PPFIA3: variants seen among roughly 807,000 people sequenced by gnomAD.
PPFIA3 encodes PPFI scaffold protein A3, also known as liprin-alpha-3.
Under a neutral mutation model 145.8 loss-of-function variants are expected in PPFIA3, and 26 were observed. The observed-to-expected ratio is 0.18, with a 90% CI of 0.13 to 0.25. The LOEUF (loss-of-function observed/expected upper bound fraction) is 0.25, where lower values mean the gene tolerates loss of function less well. Ranked by LOEUF, PPFIA3 falls within the 10% of genes least tolerant of loss-of-function variation. The probability of loss-of-function intolerance (pLI) is 1.00; values close to 1 mark genes in which losing one functional copy is unlikely to be tolerated. For synonymous variants in PPFIA3, 645 were observed against 661.4 expected (o/e 0.98, Z 0.38); for missense variants, 1,008 against 1,587.8 (o/e 0.63, Z 6.21).
chr19:49,139,438 G>A (rs901531439), intron 16 of PPFIA3, among the ~76,000 whole-genome samples: 1 of 148,864 alleles, frequency 6.7e-6, no homozygotes, highest in East Asian at 2.0e-4. Context: ...GCAGTGAGCC[G>A]AGATTGTGCC....
chr19:49,150,429 G>T lies in PPFIA3; in HGVS notation c.*207G>T, dbSNP rs543724451. Reference sequence around the variant, plus strand: ...GACCAAACCACATGAACTGGACTGAGAGGGGGAAGAAGCGGGGAGGAAGAA... The same window carrying T: ...GACCAAACCACATGAACTGGACTGATAGGGGGAAGAAGCGGGGAGGAAGAA... On this transcript the variant is annotated 3_prime_UTR_variant, in exon 30 of 30. Coordinates refer to ENST00000334186, the MANE Select transcript of PPFIA3 (RefSeq NM_003660.4). 3.6e-5 allele frequency: 12 copies of T among 332,900 alleles called. No individual in the cohort carries two copies. The South Asian group carries it at 1.2e-3, about 32-fold the overall frequency. 20.6% of individuals were successfully genotyped at this position (332,900 alleles called of 1,614,324 possible). A position where few individuals can be genotyped will look rare whatever the true frequency, so the allele number is the denominator to read the frequency against.
intron 7 of PPFIA3, 97 bp from the exon 8 acceptor site, chr19:49,132,904 C>T: frequency 1.3e-6 from 2 of 1,493,752 alleles, no homozygotes; most frequent in Non-Finnish European, 1.8e-6. Context: ...CATTCTGACT[C>T]CCATGTCAGG....
chr19:49,140,108 C>CCTTCCCT lies in PPFIA3; in HGVS notation c.2368+22_2368+28dup, dbSNP rs766794296. On this transcript the variant is annotated intron_variant, in intron 18 of 29. Transcript: ENST00000334186. ...CTCTGGGTGAGTACCTCACTCTAAC[C>CCTTCCCT]CTTCCCTCCTTTGTTCCTTCCTCCC... 22 of 1,612,586 alleles carry CCTTCCCT rather than the reference C, an allele frequency of 1.4e-5. No individual in the cohort carries two copies. The highest frequency in any genetic ancestry group is 1.3e-4 in the East Asian group (6 of 44,856).
intron 18 of PPFIA3, among the ~76,000 whole-genome samples, chr19:49,140,666 T>TTTC (rs2041210058): frequency 1.6e-5 from 2 of 126,694 alleles, no homozygotes; most frequent in African/African-American, 6.7e-5. Flanking sequence ...TTTTTTTTTT[T>TTTC]TGTTTGGAGA....
chr19:49,147,411 C>A (rs1311882351), intron 23 of PPFIA3, among the ~76,000 whole-genome samples: 1 of 152,034 alleles, frequency 6.6e-6, no homozygotes, highest in Admixed American at 6.6e-5. Context: ...TACAGCCAGG[C>A]GCGGTGGCTC....
At chr19:49,143,243 G>A (rs2041245083) in intron 21 of PPFIA3, among the ~76,000 whole-genome samples, 1 of 152,192 alleles carries the variant, frequency 6.6e-6, no homozygotes, top group East Asian at 1.9e-4. Flanking sequence ...GGCATTTGCT[G>A]TCCCACTCAA....
In PPFIA3 at chr19:49,145,945, C is replaced by T; in HGVS notation, c.2748C>T (p.Ser916=). 1 of 1,614,020 alleles carries T rather than the reference C, an allele frequency of 6.2e-7. No individual in the cohort carries two copies. Among genetic ancestry groups the T allele is most frequent in the African/African-American group, 1.3e-5 (1 of 75,034 alleles). ...SPSAPASSRT[S]TGNVWMTHEE... is the part of the protein sequence containing the mutation. ...CATTAACACTCCCTGCCCCTCAGTC[C>T]ACAGGAAACGTGTGGATGACACACG... The change falls in exon 22 of 30, where the codon TCC becomes TCT. Residue 916 remains serine, a splice_region_variant and synonymous_variant. Coordinates refer to ENST00000334186, the MANE Select transcript of PPFIA3 (RefSeq NM_003660.4).
At position 49,133,403 on chromosome 19, in the gene PPFIA3, TG is replaced by T. The variant is rs767998907; in HGVS notation, c.1161+36del. 4 of 1,462,488 alleles carry T rather than the reference TG, an allele frequency of 2.7e-6. No individual in the cohort carries two copies. The East Asian group carries it at 7.4e-5, about 27-fold the overall frequency. The allele number at this position is 1,462,488 out of a possible 1,614,324, so 90.6% of individuals were successfully genotyped here. On this transcript the variant is annotated intron_variant, in intron 9 of 29. Transcript: ENST00000334186. The surrounding 1 kb of genome is among the most constrained non-coding windows in gnomAD (Gnocchi z 7.2). Reference sequence around the variant, plus strand: ...GGAGGACTCGGGTCGGGGCCTTGCGTGGGGAAGGGGTGGGGCCTAGAGGAGG... The same window carrying T: ...GGAGGACTCGGGTCGGGGCCTTGCGTGGGAAGGGGTGGGGCCTAGAGGAGG...
chr19:49,143,407 T>C (rs1171060221), intron 21 of PPFIA3, among the ~76,000 whole-genome samples: 2 of 152,162 alleles, frequency 1.3e-5, no homozygotes, highest in African/African-American at 4.8e-5. Context: ...AGTTTCGCTC[T>C]TGTTGTCCAG....
At chr19:49,143,641 G>C (rs1046706989) in intron 21 of PPFIA3, among the ~76,000 whole-genome samples, 2 of 152,192 alleles carry the variant, frequency 1.3e-5, no homozygotes, top group African/African-American at 2.4e-5. Context: ...CCAAAGTGTT[G>C]AGATTACAGG....
chr19:49,143,431 G>A (rs1269793497), intron 21 of PPFIA3, among the ~76,000 whole-genome samples: 3 of 152,036 alleles, frequency 2.0e-5, no homozygotes, highest in African/African-American at 4.8e-5. Flanking sequence ...GGAGTGCAAT[G>A]GCGCTATCTC....
At chr19:49,136,434 CAA>C (rs1482446688) in intron 14 of PPFIA3, among the ~76,000 whole-genome samples, 2 of 152,196 alleles carry the variant, frequency 1.3e-5, no homozygotes, top group African/African-American at 4.8e-5. Flanking sequence ...ACTAAAAATG[CAA>C]AAATTAGCCG....
At chr19:49,131,216 T>A (rs372343255) in intron 7 of PPFIA3, among the ~76,000 whole-genome samples, 4 of 141,564 alleles carry the variant, frequency 2.8e-5, no homozygotes, top group Non-Finnish European at 6.1e-5. Flanking sequence ...TCGCCCAGGC[T>A]GGAGTGCAGT....
At position 49,133,081 on chromosome 19, in the gene PPFIA3, G is replaced by A. The variant is rs759370734; in HGVS notation, c.960G>A (p.Thr320=). 3.1e-6 allele frequency: 5 copies of A among 1,613,024 alleles called. No individual in the cohort carries two copies. The Admixed American group carries it at 6.7e-5, about 22-fold the overall frequency. ...ACCTGAGCGCCCAGCGGGAGGCCAC[G>A]TCTCTGCACGACGCCAACGACAAAC... ...KRYLSAQREA[T]SLHDANDKLE... Residue 320 remains threonine (T), a synonymous_variant, in exon 8 of 30, where the codon ACG becomes ACA. Transcript: ENST00000334186. This position sits in a 1 kb window ranked among gnomAD's most constrained non-coding sequence, Gnocchi z 7.2.
intron 14 of PPFIA3, among the ~76,000 whole-genome samples, 171 bp from the exon 15 acceptor site, chr19:49,136,553 T>C (rs2041139257): frequency 6.6e-6 from 1 of 152,056 alleles, no homozygotes; most frequent in African/African-American, 2.4e-5. Context: ...CACTCCAGCC[T>C]GGGCGACAGA....
Position 49,127,927 on chromosome 19 carries a change from G to C in PPFIA3, c.54G>C (p.Ala18=), listed in dbSNP as rs1423040947. The C allele has an allele frequency of 6.9e-6, 11 of 1,593,512 alleles. No homozygotes were observed. Among genetic ancestry groups the C allele is most frequent in the Non-Finnish European group, 9.3e-6 (11 of 1,177,596 alleles). Residue 18 remains alanine (A), a synonymous_variant, in exon 2 of 30, where the codon GCG becomes GCC. Transcript: ENST00000334186. ...TISEDGRRGS[A]LGPDEAGGEL... ...GCGAGGATGGCCGGCGGGGCTCGGC[G>C]CTGGGCCCGGACGAGGCGGGCGGGG...
At chr19:49,131,165 CTTTT>C (rs74182040) in intron 7 of PPFIA3, among the ~76,000 whole-genome samples, 5 of 102,098 alleles carry the variant, frequency 4.9e-5, no homozygotes, top group Non-Finnish European at 9.8e-5. Flanking sequence ...CACCCAGCCT[CTTTT>C]TTTTTTTTTT....
intron 1 of PPFIA3, among the ~76,000 whole-genome samples, chr19:49,123,538 T>G (rs552349546): frequency 6.6e-6 from 1 of 152,078 alleles, no homozygotes; most frequent in Non-Finnish European, 1.5e-5. Flanking sequence ...CCTCCCGTGT[T>G]CAAGCAAATT....
chr19:49,124,829 GC>G (rs2040977359), intron 1 of PPFIA3, among the ~76,000 whole-genome samples: 1 of 152,104 alleles, frequency 6.6e-6, no homozygotes. Context: ...ACTTTGGGAG[GC>G]CGAGGCGGGT....
Sources: gnomAD v4.1 joint callset for allele counts (sites outside exome capture counted in the v4.1 genomes callset) on GRCh38, gnomAD v4.1.1 for gene constraint, Gnocchi (gnomAD v3.1) non-coding constraint, MANE v1.5 for transcripts, NCBI Gene and HGNC (gene_info 2026-07-23, HGNC 2026-07-21) for gene names.